The following JAK1 variants were observed in gnomAD, a reference collection of about 807,000 sequenced individuals.
JAK1 encodes the protein Janus kinase 1.
JAK1 carries 16 observed loss-of-function variants against 136.6 expected under a neutral mutation model. That is an observed-to-expected ratio of 0.12 (90% CI 0.08 to 0.18). The LOEUF is 0.18. Among genes scored for constraint, JAK1 ranks in the 10% least tolerant of loss-of-function variants. JAK1 has a pLI of 1.00. For missense variants in JAK1, 859 were observed against 1,450.1 expected (o/e 0.59, Z 6.62); for synonymous variants, 492 against 519.5 (o/e 0.95, Z 0.72).
In JAK1 at chr1:65,000,360, T is replaced by G. The variant is rs373730105; in HGVS notation, c.-78+44120A>C. On this transcript the variant is annotated intron_variant, in intron 2 of 25. Coordinates refer to the JAK1 transcript ENST00000671954. ...AATGTGTTCAGGTATAGTTACAGCCTGGCAAGATGAGTCCTGCCTGTAATC... is the reference window on the plus strand; with the variant it reads ...AATGTGTTCAGGTATAGTTACAGCCGGGCAAGATGAGTCCTGCCTGTAATC... Among the ~76,000 whole-genome samples, 29 of 152,070 alleles carry G rather than the reference T, an allele frequency of 1.9e-4. 5 individuals carry two copies. The highest frequency in any genetic ancestry group is 3.3e-4 in the Admixed American group (5 of 15,250).
chr1:64,834,702 G>C (rs1187109833), intron 24 of JAK1, 45 bp from the exon 25 acceptor site: 1 of 1,254,280 alleles, frequency 8.0e-7, no homozygotes, highest in Non-Finnish European at 1.1e-6. Flanking sequence ...TTAGATCTGG[G>C]AACTTTAAAA....
chr1:64,848,840 T>C (rs1295885650), intron 12 of JAK1, among the ~76,000 whole-genome samples: 1 of 152,136 alleles, frequency 6.6e-6, no homozygotes, highest in African/African-American at 2.4e-5. Flanking sequence ...ACATACACCA[T>C]TGTTAATCAG....
chr1:64,951,327 T>C (rs1206038760), intron 1 of JAK1, among the ~76,000 whole-genome samples: 2 of 152,218 alleles, frequency 1.3e-5, no homozygotes, highest in East Asian at 1.9e-4. Context: ...CCTCTTTCAA[T>C]GTTGCCTGAT....
At chr1:64,976,665 C>A (rs1646499918) in intron 2 of JAK1, among the ~76,000 whole-genome samples, 1 of 152,198 alleles carries the variant, frequency 6.6e-6, no homozygotes, top group Non-Finnish European at 1.5e-5. Flanking sequence ...TCTTAATGGT[C>A]TTAGTGAATA....
intron 1 of JAK1, among the ~76,000 whole-genome samples, chr1:64,954,288 A>G (rs915989405): frequency 6.6e-6 from 1 of 152,228 alleles, no homozygotes; most frequent in Non-Finnish European, 1.5e-5. Flanking sequence ...ATAAGATCCA[A>G]GTCTCTGGCT....
At chr1:64,834,974 C>T (rs1400489272) in intron 24 of JAK1, among the ~76,000 whole-genome samples, 1 of 152,194 alleles carries the variant, frequency 6.6e-6, no homozygotes, top group Non-Finnish European at 1.5e-5. Context: ...GCCTCACTCT[C>T]TGACTCATAC....
chr1:65,003,013 CTTTT>C lies in JAK1; in HGVS notation c.-78+41463_-78+41466del, dbSNP rs11410336. ...CCTCGCACGGCGTGAGACAACCTAG[CTTTT>C]TTTTTTTTTTTTTTTTTAAGAAAAG... On this transcript the variant is annotated intron_variant, in intron 2 of 25. Transcript: ENST00000671954. Among the ~76,000 whole-genome samples the C allele has an allele frequency of 1.4e-4, 17 of 119,884 alleles. 1 individual carries two copies. The highest frequency in any genetic ancestry group is 5.1e-4 in the Admixed American group (6 of 11,782). 78.6% of individuals were successfully genotyped at this position (119,884 alleles called of 152,430 possible).
rs1654289615 is a variant in JAK1, at chr1:64,833,754, A to G, written c.*808T>C. The G allele has an allele frequency of 8.6e-6, 2 of 232,984 alleles. No homozygotes were observed. Among genetic ancestry groups the G allele is most frequent in the Non-Finnish European group, 1.7e-5 (2 of 117,930 alleles). 14.4% of individuals were successfully genotyped at this position (232,984 alleles called of 1,614,324 possible). A position where few individuals can be genotyped will look rare whatever the true frequency, so the allele number is the denominator to read the frequency against. ...TGCCCCAAAGTGGTAGAGTTATAAA[A>G]GGATATACATTGACGTTTCTTAAAA... On this transcript the variant is annotated 3_prime_UTR_variant, in exon 25 of 25. Coordinates refer to ENST00000342505, the MANE Select transcript of JAK1 (RefSeq NM_002227.4).
At chr1:64,914,808 C>T (rs533643933) in intron 1 of JAK1, among the ~76,000 whole-genome samples, 37 of 152,292 alleles carry the variant, frequency 2.4e-4, no homozygotes, top group African/African-American at 6.5e-4. Context: ...AAGTGATCCA[C>T]CCATCTCTGC....
At chr1:64,958,009 G>A (rs545261234) in intron 1 of JAK1, among the ~76,000 whole-genome samples, 2 of 152,048 alleles carry the variant, frequency 1.3e-5, no homozygotes, top group East Asian at 1.9e-4. Flanking sequence ...CATCTCTCCC[G>A]GTACTCAGCA....
At chr1:64,840,117 C>G (rs1299643126) in intron 19 of JAK1, among the ~76,000 whole-genome samples, 1 of 152,220 alleles carries the variant, frequency 6.6e-6, no homozygotes, top group Non-Finnish European at 1.5e-5. Flanking sequence ...TCTCTAAAAG[C>G]CCTGGGCTCA....
At chr1:64,973,850 A>G (rs1218364271) in intron 2 of JAK1, 1 of 152,142 alleles carries the variant, frequency 6.6e-6, no homozygotes, top group Non-Finnish European at 1.5e-5. Flanking sequence ...CTTATTCATA[A>G]TGACAGAAAG....
intron 1 of JAK1, among the ~76,000 whole-genome samples, chr1:64,903,290 G>A (rs1645140497): frequency 6.6e-6 from 1 of 152,184 alleles, no homozygotes; most frequent in South Asian, 2.1e-4. Flanking sequence ...GCCTCCCAAA[G>A]TGCTGGGACT....
At chr1:65,053,725 C>T (rs993953939) in intron 1 of JAK1, among the ~76,000 whole-genome samples, 5 of 152,094 alleles carry the variant, frequency 3.3e-5, no homozygotes, top group African/African-American at 4.8e-5. Flanking sequence ...TGGTGGTGCA[C>T]ACCCATAGTC....
chr1:65,034,792 T>C (rs990514379), intron 2 of JAK1, among the ~76,000 whole-genome samples: 3 of 152,158 alleles, frequency 2.0e-5, no homozygotes, highest in African/African-American at 2.4e-5. Flanking sequence ...TGGTGGCTCA[T>C]GCCTGTAATC....
At chr1:64,993,418 CAGTACAGTGCCCT>C (rs1646675797) in intron 2 of JAK1, 1 of 151,946 alleles carries the variant, frequency 6.6e-6, no homozygotes, top group Non-Finnish European at 1.5e-5. Context: ...TGAGAAGTAC[CAGTACAGTGCCCT>C]ACACAGTGTA....
At chr1:64,881,282 A>G (rs1479299976) in intron 3 of JAK1, among the ~76,000 whole-genome samples, 1 of 121,544 alleles carries the variant, frequency 8.2e-6, no homozygotes, top group Non-Finnish European at 1.8e-5. Context: ...TAAAATTTTA[A>G]ATTTAAAAAA....
At chr1:64,851,180 G>GA (rs1372708038) in intron 11 of JAK1, among the ~76,000 whole-genome samples, 2 of 152,128 alleles carry the variant, frequency 1.3e-5, no homozygotes, top group African/African-American at 2.4e-5. Context: ...CTCCAAGGTT[G>GA]GCATGGCAAG....
Position 64,834,250 on chromosome 1 carries a change from T to C in JAK1, c.*312A>G, listed in dbSNP as rs138719237. The C allele has an allele frequency of 2.4e-4, 61 of 249,046 alleles. 1 individual carries two copies. The highest frequency in any genetic ancestry group is 1.0e-3 in the African/African-American group (46 of 45,994). The allele number at this position is 249,046 out of a possible 1,614,324, so 15.4% of individuals were successfully genotyped here. On this transcript the variant is annotated 3_prime_UTR_variant, in exon 25 of 25. Coordinates refer to ENST00000342505, the MANE Select transcript of JAK1 (RefSeq NM_002227.4). ...CAAAAATCCCCTTTTGGTAATGCAG[T>C]TGTGATGGTGAACTAGCCAGATGAA...
Sources: gnomAD v4.1 joint callset for allele counts (sites outside exome capture counted in the v4.1 genomes callset) on GRCh38, gnomAD v4.1.1 for gene constraint, MANE v1.5 for transcripts, NCBI Gene and HGNC (gene_info 2026-07-23, HGNC 2026-07-21) for gene names.